ADH1A: variants seen among roughly 807,000 people sequenced by gnomAD.
ADH1A encodes alcohol dehydrogenase 1A.
A neutral mutation model predicts 35.2 loss-of-function variants in ADH1A; 29 were observed. The observed-to-expected ratio is 0.82, with a 90% CI of 0.61 to 1.12. ADH1A has a LOEUF of 1.12. ADH1A is among the 50% of genes most tolerant of loss of function. The pLI, the probability that ADH1A is intolerant of heterozygous loss-of-function variation, is 0.00. For synonymous variants in ADH1A, 147 were observed against 164.8 expected (o/e 0.89, Z 0.83); for missense variants, 469 against 464.7 (o/e 1.01, Z -0.09).
At chr4:99,280,111 A>C (rs748810804) in intron 7 of ADH1A, 33 bp downstream of exon 7, 13 of 1,613,446 alleles carry the variant, frequency 8.1e-6, no homozygotes, top group Non-Finnish European at 1.0e-5. Context: ...GCTGAGGTTA[A>C]TGAGAATTTG....
Position 99,276,406 on chromosome 4 carries a change from G to A in ADH1A, c.*218C>T. ...AAGGTTTATTGGCTTCAATTCCCCA[G>A]CTGATGTTCAACACTTTATTTAGTT... On this transcript the variant is annotated 3_prime_UTR_variant, in exon 9 of 9. Coordinates refer to ENST00000209668, the MANE Select transcript of ADH1A (RefSeq NM_000667.4). 3.5e-6 allele frequency: 2 copies of A among 576,082 alleles called. No homozygotes were observed. The highest frequency in any genetic ancestry group is 6.1e-6 in the Non-Finnish European group (2 of 326,402). The allele number at this position is 576,082 out of a possible 1,614,324, so 35.7% of individuals were successfully genotyped here.
chr4:99,286,408 G>A (rs1229968), intron 3 of ADH1A, among the ~76,000 whole-genome samples: 5,371 of 152,226 alleles, frequency 0.035, 109 homozygotes, highest in Admixed American at 0.047. Context: ...TCATTCAGCC[G>A]TAGCCATGTA....
chr4:99,289,771 A>T (rs545337241), intron 1 of ADH1A, among the ~76,000 whole-genome samples: 1 of 152,316 alleles, frequency 6.6e-6, no homozygotes, highest in Admixed American at 6.5e-5. Context: ...TGATTGGTTT[A>T]TACTTTTGCT....
In ADH1A at chr4:99,284,702, C is replaced by G. The variant is rs750106461; in HGVS notation, c.347+14G>C. On this transcript the variant is annotated intron_variant, in intron 4 of 8. Transcript: ENST00000209668. ...AAACTCAATGTCTGCGCAGGGAGAG[C>G]ATCAGAAACCTACTCGTTTTTCAAG... is the stretch of plus-strand genomic sequence containing the variant. 38 of 1,613,812 alleles carry G rather than the reference C, an allele frequency of 2.4e-5. No homozygotes were observed. Among genetic ancestry groups the G allele is most frequent in the Admixed American group, 8.3e-5 (5 of 60,012 alleles).
At chr4:99,285,046 G>C (rs952500193) in intron 3 of ADH1A, among the ~76,000 whole-genome samples, 3 of 152,166 alleles carry the variant, frequency 2.0e-5, no homozygotes, top group African/African-American at 7.2e-5. Context: ...ACATGGATTA[G>C]AAAAATTGCT....
Position 99,287,629 on chromosome 4 carries a change from T to G in ADH1A, c.55A>C (p.Lys19Gln), listed in dbSNP as rs1733187825. Residue 19 changes from lysine (K) to glutamine (Q), a missense_variant, in exon 2 of 9, where the codon AAG becomes CAG. Transcript: ENST00000209668. ...ACCTCCTCAATGGAAAAGGGTTTCT[T>G]TAACTCCCATAGCACAGCTGCTTTG... ...KCKAAVLWEL[K>Q]KPFSIEEVEV... The G allele has an allele frequency of 6.2e-7, 1 of 1,613,876 alleles. No homozygotes were observed. Among genetic ancestry groups the G allele is most frequent in the Non-Finnish European group, 8.5e-7 (1 of 1,179,920 alleles).
rs1161328289 is a variant in ADH1A at position 99,279,492 on chromosome 4, A to AAT, written c.1035_1036dup (p.Leu346TyrfsTer2). 3 of 1,612,496 alleles carry AAT rather than the reference A, an allele frequency of 1.9e-6. No individual in the cohort carries two copies. The highest frequency in any genetic ancestry group is 2.5e-6 in the Non-Finnish European group (3 of 1,179,342). ...TTCAAAAGGTAAAACATGGGTTATT[A>AAT]ATGCATCCAATGAAAACTTCTTAGC... On this transcript the variant is annotated frameshift_variant, in exon 8 of 9. Coordinates refer to ENST00000209668, the MANE Select transcript of ADH1A (RefSeq NM_000667.4). LOFTEE classifies it high-confidence loss of function.
intron 3 of ADH1A, among the ~76,000 whole-genome samples, chr4:99,286,021 C>CA (rs397938892): frequency 0.18 from 15,219 of 84,996 alleles, 2,142 homozygotes; most frequent in African/African-American, 0.35. Context: ...GACTCCGTCT[C>CA]AAAAAAAAAA....
chr4:99,277,490 A>C (rs1027764053), intron 8 of ADH1A, among the ~76,000 whole-genome samples: 4 of 152,062 alleles, frequency 2.6e-5, no homozygotes, highest in Non-Finnish European at 5.9e-5. Context: ...CATATATAAG[A>C]AAAATATATG....
In ADH1A at chr4:99,286,858, A is replaced by C. The variant is rs761751115; in HGVS notation, c.251T>G (p.Val84Gly). 1.9e-6 allele frequency: 3 copies of C among 1,613,836 alleles called. No individual in the cohort carries two copies. The highest frequency in any genetic ancestry group is 1.7e-6 in the Non-Finnish European group (2 of 1,179,956). The change falls in exon 3 of 9, where the codon GTC (valine) becomes GGC (glycine). Residue 84 changes from valine (V) to glycine (G), a missense_variant. Coordinates refer to ENST00000209668, the MANE Select transcript of ADH1A (RefSeq NM_000667.4). Reference sequence around the variant, plus strand: ...GAATGTGAATCCTGTACCTGGTTTGACTGTAGTCACCCCTTCTCCAACACT... The same window carrying C: ...GAATGTGAATCCTGTACCTGGTTTGCCTGTAGTCACCCCTTCTCCAACACT... ...VESVGEGVTT[V>G]KPGDKVIPLA... is the part of the protein sequence containing the mutation.
In ADH1A at chr4:99,282,440, T is replaced by C. The variant is rs1288944614; in HGVS notation, c.734A>G (p.Gln245Arg). Residue 245 changes from glutamine (Q) to arginine (R), a missense_variant, in exon 6 of 9, where the codon CAA (glutamine) becomes CGA (arginine). Transcript: ENST00000209668. ...CTCCTGGATGGGTTTCTTGTAGTCT[T>C]GAGGGTTGATGCATTCAGTGGCACC... ...ELGATECINP[Q>R]DYKKPIQEVL... 1.2e-6 allele frequency: 2 copies of C among 1,613,938 alleles called. No individual in the cohort carries two copies. The highest frequency in any genetic ancestry group is 1.3e-5 in the African/African-American group (1 of 74,886).
Position 99,282,495 on chromosome 4 carries a change from T to C in ADH1A, c.679A>G (p.Lys227Glu), listed in dbSNP as rs1410968701. The C allele has an allele frequency of 1.2e-6, 2 of 1,614,162 alleles. No individual in the cohort carries two copies. The highest frequency in any genetic ancestry group is 1.7e-6 in the Non-Finnish European group (2 of 1,180,040). ...AARIIAVDIN[K>E]DKFAKAKELG... ...TCTTTGGCCTTTGCAAATTTGTCCT[T>C]GTTGATGTCCACCGCAATGATTCTG... Residue 227 changes from lysine to glutamate, a missense_variant, in exon 6 of 9, where the codon AAG becomes GAG. Physicochemically the swap from Lys to Glu is moderately conservative, Grantham distance 56. Coordinates refer to ENST00000209668, the MANE Select transcript of ADH1A (RefSeq NM_000667.4).
chr4:99,281,826 T>C (rs776404015), intron 6 of ADH1A: 2 of 182,444 alleles, frequency 1.1e-5, no homozygotes, highest in Non-Finnish European at 2.3e-5. Flanking sequence ...TGTGATAAAA[T>C]ATAGTAATGC....
chr4:99,287,149 C>T (rs1733172626), intron 2 of ADH1A, 161 bp from the exon 3 acceptor site: 2 of 849,452 alleles, frequency 2.4e-6, no homozygotes, highest in East Asian at 5.4e-5. Flanking sequence ...CAAGGTTGAC[C>T]AGGCTGAAAC....
At chr4:99,288,001 AT>A (rs2110612038) in intron 1 of ADH1A, among the ~76,000 whole-genome samples, 1 of 152,284 alleles carries the variant, frequency 6.6e-6, no homozygotes, top group Admixed American at 6.5e-5. Flanking sequence ...ACCCACAATT[AT>A]TGGCTGGTAC....
At chr4:99,281,425 G>T (rs1732997943) in intron 6 of ADH1A, among the ~76,000 whole-genome samples, 1 of 152,172 alleles carries the variant, frequency 6.6e-6, no homozygotes, top group Non-Finnish European at 1.5e-5. Flanking sequence ...CTGCAAGATT[G>T]GAAATAGTAT....
At chr4:99,280,684 C>A (rs1221949657) in intron 6 of ADH1A, among the ~76,000 whole-genome samples, 1 of 152,126 alleles carries the variant, frequency 6.6e-6, no homozygotes, top group Non-Finnish European at 1.5e-5. Context: ...TTACTTTCAA[C>A]CACATATTTT....
Position 99,287,506 on chromosome 4 carries a change from G to A in ADH1A, c.120+58C>T, listed in dbSNP as rs1194913419. 16 of 1,553,308 alleles carry A rather than the reference G, an allele frequency of 1.0e-5. 1 individual carries two copies. The highest frequency in any genetic ancestry group is 3.6e-4 in the Middle Eastern group (2 of 5,524). ...ATCATATAAAAATTTGGTTGTTTCC[G>A]TTTTTTAACTTTTCTGAGTTTTTAA... is the stretch of plus-strand genomic sequence containing the variant. On this transcript the variant is annotated intron_variant, in intron 2 of 8. Transcript: ENST00000209668.
At chr4:99,289,202 T>C (rs1262433989) in intron 1 of ADH1A, among the ~76,000 whole-genome samples, 1 of 152,226 alleles carries the variant, frequency 6.6e-6, no homozygotes, top group Non-Finnish European at 1.5e-5. Flanking sequence ...CCATATTTTC[T>C]TTATCTACTC....
Sources: allele counts gnomAD v4.1 joint callset (sites outside exome capture counted in the v4.1 genomes callset), GRCh38; gene constraint gnomAD v4.1.1; transcripts MANE v1.5; gene names NCBI Gene and HGNC (gene_info 2026-07-23, HGNC 2026-07-21).